Variants in MORC1 observed in about 807,000 individuals in gnomAD.
The protein encoded by MORC1 is MORC family CW-type zinc finger 1, also known as MORC family CW-type zinc finger protein 1.
In MORC1, 59 loss-of-function variants were observed where a neutral mutation model predicts 134.9. That is an observed-to-expected ratio of 0.44 (90% confidence interval 0.35 to 0.54). The LOEUF is 0.54. Ranked by LOEUF, MORC1 falls within the 20% of genes least tolerant of loss-of-function variation. MORC1 has a pLI of 0.00. For synonymous variants in MORC1, 395 were observed against 391.7 expected (o/e 1.01, Z -0.10); for missense variants, 947 against 1,134.5 (o/e 0.83, Z 2.37).
chr3:109,086,672 C>A (rs2107745482), intron 8 of MORC1, among the ~76,000 whole-genome samples: 1 of 152,012 alleles, frequency 6.6e-6, no homozygotes, highest in Admixed American at 6.6e-5. Flanking sequence ...ACATTGTTCC[C>A]AAAAGTGAAA....
At chr3:109,009,076 C>T (rs778629246) in intron 17 of MORC1, among the ~76,000 whole-genome samples, 11 of 152,060 alleles carry the variant, frequency 7.2e-5, no homozygotes, top group Non-Finnish European at 1.5e-4. Flanking sequence ...ACAGTCAATG[C>T]TTACATTCAG....
chr3:109,069,447 T>C (rs1950269072), intron 9 of MORC1, among the ~76,000 whole-genome samples, 185 bp downstream of exon 9: 1 of 152,220 alleles, frequency 6.6e-6, no homozygotes, highest in Non-Finnish European at 1.5e-5. Flanking sequence ...TATGTTTCTA[T>C]TACTGCCAAA....
chr3:109,034,526 C>T (rs1379843198), intron 15 of MORC1, among the ~76,000 whole-genome samples: 1 of 152,140 alleles, frequency 6.6e-6, no homozygotes, highest in African/African-American at 2.4e-5. Flanking sequence ...ATCTCTAACA[C>T]CTTTACCCAA....
At chr3:108,965,933 A>G (rs1246044253) in intron 26 of MORC1, among the ~76,000 whole-genome samples, 1 of 152,148 alleles carries the variant, frequency 6.6e-6, no homozygotes, top group East Asian at 1.9e-4. Flanking sequence ...TAACCAGTAA[A>G]CTACGTTTTT....
rs1037265635 is a variant in MORC1, at chr3:108,979,792, G to A, written c.2325-125C>T. On this transcript the variant is annotated intron_variant, in intron 23 of 27. Coordinates refer to ENST00000232603, the MANE Select transcript of MORC1 (RefSeq NM_014429.4). ...AGAACAAGAACATGCGTGTAATGCC[G>A]AAAACTGCCACCACTGTAGTTACAT... The A allele has an allele frequency of 1.4e-5, 14 of 968,576 alleles. No individual in the cohort carries two copies. In the South Asian group the frequency reaches 1.9e-4, roughly 13 times the overall value. 60.0% of individuals were successfully genotyped at this position (968,576 alleles called of 1,614,324 possible). A position where few individuals can be genotyped will look rare whatever the true frequency, so the allele number is the denominator to read the frequency against.
At chr3:109,032,016 T>C (rs1452327040) in intron 16 of MORC1, among the ~76,000 whole-genome samples, 1 of 152,172 alleles carries the variant, frequency 6.6e-6, no homozygotes, top group East Asian at 1.9e-4. Context: ...TCTTTTTCTT[T>C]TATCTTTTTG....
chr3:109,096,754 C>G (rs1164931018), intron 6 of MORC1, among the ~76,000 whole-genome samples: 2 of 152,202 alleles, frequency 1.3e-5, no homozygotes, highest in South Asian at 4.1e-4. Context: ...TTTCACTTCA[C>G]TCTATGAACT....
At chr3:108,993,625 C>G (rs918357408) in intron 21 of MORC1, among the ~76,000 whole-genome samples, 8 of 152,152 alleles carry the variant, frequency 5.3e-5, no homozygotes, top group Non-Finnish European at 1.0e-4. Context: ...GATGAGAAAT[C>G]ACCCGCTTTT....
At chr3:109,091,684 T>C (rs1431835209) in intron 8 of MORC1, among the ~76,000 whole-genome samples, 4 of 152,126 alleles carry the variant, frequency 2.6e-5, no homozygotes, top group Admixed American at 2.6e-4. Flanking sequence ...TATCGCGTCC[T>C]CAGTTCAGAA....
At chr3:109,111,314 C>T (rs78576412) in intron 2 of MORC1, among the ~76,000 whole-genome samples, 44 of 152,214 alleles carry the variant, frequency 2.9e-4, no homozygotes, top group Non-Finnish European at 5.4e-4. Context: ...TATTGGAACA[C>T]AATCATGCCC....
rs770503823 is a variant in MORC1 at position 109,005,318 on chromosome 3, TAAATAAC to T, written c.1768-10_1768-4del. On this transcript the variant is annotated splice_polypyrimidine_tract_variant and splice_region_variant and intron_variant, in intron 18 of 27. Coordinates refer to ENST00000232603, the MANE Select transcript of MORC1 (RefSeq NM_014429.4). The stretch of plus-strand genomic sequence containing the variant: ...ATTTTCTGGGTTTTGGTATTTTCCT[TAAATAAC>T]AAAGAACATGTTTTTATTTTTTGGT... 39 of 1,579,872 alleles carry T rather than the reference TAAATAAC, an allele frequency of 2.5e-5. No individual in the cohort carries two copies. In the African/African-American group the frequency reaches 4.4e-4, roughly 18 times the overall value.
chr3:109,031,256 G>A (rs958503957), intron 16 of MORC1, among the ~76,000 whole-genome samples: 2 of 152,126 alleles, frequency 1.3e-5, no homozygotes, highest in East Asian at 3.9e-4. Flanking sequence ...TAGTGACCAG[G>A]GACTTTCAGC....
chr3:108,991,746 A>G (rs1199855304), intron 21 of MORC1, among the ~76,000 whole-genome samples: 1 of 152,166 alleles, frequency 6.6e-6, no homozygotes, highest in East Asian at 1.9e-4. Context: ...TGAAACTTCA[A>G]ATCCTCAGTC....
chr3:109,095,020 T>C lies in MORC1; in HGVS notation c.472A>G (p.Thr158Ala), dbSNP rs764440236. ...ATTGCAAATTTCTGGGGATCATCTG[T>C]GACAGATTCTCTGGTTCTTATTAAC... The part of the protein sequence containing the change: ...SWLIRTRESV[T>A]DDPQKFAMEL... The change falls in exon 7 of 28, where the codon ACA becomes GCA. Residue 158 changes from threonine to alanine, a missense_variant. Thr to Ala is a moderately conservative substitution (Grantham distance 58, BLOSUM62 0). Around this residue, in one of 3 missense-constraint regions of MORC1, gnomAD observed 214 missense variants for 281.3 expected, o/e 0.76. Transcript: ENST00000232603. 50 of 1,593,164 alleles carry C rather than the reference T, an allele frequency of 3.1e-5. No homozygotes were observed. Among genetic ancestry groups the C allele is most frequent in the Non-Finnish European group, 3.4e-6 (4 of 1,174,200 alleles).
Position 109,012,984 on chromosome 3 carries a change from C to T in MORC1, c.1705-5893G>A, listed in dbSNP as rs182521024. ...GAAACTCCCTTGCCTCATTCCTGAC[C>T]TTAGTGGGAGAACATTGATTCTTTC... On this transcript the variant is annotated intron_variant, in intron 17 of 27. Coordinates refer to ENST00000232603, the MANE Select transcript of MORC1 (RefSeq NM_014429.4). 3.1e-3 allele frequency among the ~76,000 whole-genome samples: 472 copies of T among 152,264 alleles called. 3 individuals carry two copies. The highest frequency in any genetic ancestry group is 5.6e-3 in the Non-Finnish European group (379 of 68,020).
At chr3:109,035,733 T>G (rs1949364583) in intron 14 of MORC1, among the ~76,000 whole-genome samples, 1 of 152,196 alleles carries the variant, frequency 6.6e-6, no homozygotes, top group Admixed American at 6.5e-5. Context: ...ATAAATAGCA[T>G]GTATTTTAAA....
intron 17 of MORC1, among the ~76,000 whole-genome samples, chr3:109,009,391 A>C (rs1948630552): frequency 6.6e-6 from 1 of 151,498 alleles, no homozygotes; most frequent in African/African-American, 2.4e-5. Flanking sequence ...TTTTTAGTAG[A>C]GACAGGGTTT....
chr3:108,972,161 A>T (rs907327556), intron 24 of MORC1, among the ~76,000 whole-genome samples: 1 of 152,190 alleles, frequency 6.6e-6, no homozygotes. Context: ...CATTTTGTCA[A>T]AGGACAATAG....
Position 109,000,609 on chromosome 3 carries a change from T to C in MORC1, c.2135A>G (p.Glu712Gly). The change falls in exon 21 of 28, where the codon GAA (glutamate) becomes GGA (glycine). Residue 712 changes from glutamate to glycine, a missense_variant. Physicochemically the swap from Glu to Gly is moderately conservative, Grantham distance 98. Transcript: ENST00000232603. ...CTCATCTTCAGTCAATACCTTACAT[T>C]CCTCTACAAAGTTCAGACTCTGCTT... is the stretch of plus-strand genomic sequence containing the variant. ...KRKQSLNFVE[E>G]CKVLTEDENT... 1 of 1,611,678 alleles carries C rather than the reference T, an allele frequency of 6.2e-7. No individual in the cohort carries two copies. Among genetic ancestry groups the C allele is most frequent in the Non-Finnish European group, 8.5e-7 (1 of 1,179,108 alleles).
Sources: gnomAD v4.1 joint callset for allele counts (sites outside exome capture counted in the v4.1 genomes callset) on GRCh38, gnomAD v4.1.1 for gene constraint, gnomAD v4.1.1 regional missense constraint, MANE v1.5 for transcripts, NCBI Gene and HGNC (gene_info 2026-07-23, HGNC 2026-07-21) for gene names.